Variants in IQSEC1 observed in about 807,000 individuals in gnomAD.
IQSEC1 encodes IQ motif and Sec7 domain ArfGEF 1.
IQSEC1 carries 31 observed loss-of-function variants against 91.0 expected under a neutral mutation model. That is an observed-to-expected ratio of 0.34 (90% CI 0.26 to 0.46). The LOEUF (loss-of-function observed/expected upper bound fraction) is 0.46, where lower values mean the gene tolerates loss of function less well. IQSEC1 is among the 20% of genes least tolerant of loss of function. The pLI is 1.00. For synonymous variants in IQSEC1, 699 were observed against 662.6 expected, an observed-to-expected ratio of 1.05 and a Z score of -0.84; for missense variants, 1,388 against 1,575.6, an observed-to-expected ratio of 0.88 and a Z score of 2.02.
chr3:13,083,493 G>T (rs59367960), intron 2 of IQSEC1, among the ~76,000 whole-genome samples: 32,900 of 152,260 alleles, frequency 0.22, 3,782 homozygotes, highest in Middle Eastern at 0.31. Context: ...GAACAATGGG[G>T]TGGCACATTT....
intron 2 of IQSEC1, among the ~76,000 whole-genome samples, chr3:13,088,044 G>A (rs530262889): frequency 1.3e-5 from 2 of 152,278 alleles, no homozygotes; most frequent in Admixed American, 1.3e-4. Flanking sequence ...CACAGCACTA[G>A]AGCACAGTCC....
rs929630686 is a variant in IQSEC1, at chr3:12,909,762, A to G, written c.2417-328T>C. ...TTCTCTAGTCATCTCAGTTCTGGACAGCAGTGAGCGCCATATTCTCCCGAA... is the reference window on the plus strand; with the variant it reads ...TTCTCTAGTCATCTCAGTTCTGGACGGCAGTGAGCGCCATATTCTCCCGAA... On this transcript the variant is annotated intron_variant, in intron 10 of 13. Coordinates refer to ENST00000613206, the MANE Select transcript of IQSEC1 (RefSeq NM_001134382.3). This position sits in a 1 kb window ranked among gnomAD's most constrained non-coding sequence, Gnocchi z 4.9. Among the ~76,000 whole-genome samples, 19 of 152,218 alleles carry G rather than the reference A, an allele frequency of 1.2e-4. No homozygotes were observed. Among genetic ancestry groups the G allele is most frequent in the Non-Finnish European group, 2.9e-5 (2 of 68,040 alleles).
chr3:13,016,315 C>T (rs1703129938), intron 1 of IQSEC1, among the ~76,000 whole-genome samples: 1 of 152,250 alleles, frequency 6.6e-6, no homozygotes, highest in African/African-American at 2.4e-5. Context: ...CTGTCTGTCT[C>T]CTTCTTTGGG....
intron 1 of IQSEC1, among the ~76,000 whole-genome samples, chr3:12,978,427 G>A (rs531114952): frequency 2.6e-5 from 4 of 152,212 alleles, no homozygotes; most frequent in African/African-American, 7.2e-5. Context: ...GGCCGGGCGC[G>A]GTGGCTCACA....
intron 1 of IQSEC1, among the ~76,000 whole-genome samples, chr3:13,190,639 C>T (rs1694007735): frequency 6.6e-6 from 1 of 152,026 alleles, no homozygotes; most frequent in African/African-American, 2.4e-5. Flanking sequence ...GCAGTGTCTA[C>T]GAAGGATGGA....
In IQSEC1 at chr3:12,994,158, CGCGGGGGGGCGGGG is replaced by C. The variant is rs943898371; in HGVS notation, c.24-52307_24-52294del. 1.4e-5 allele frequency among the ~76,000 whole-genome samples: 2 copies of C among 146,208 alleles called. No individual in the cohort carries two copies. The highest frequency in any genetic ancestry group is 3.0e-5 in the Non-Finnish European group (2 of 65,806). ...GGCCCCAGAGCGTCCGGTGGCCGGG[CGCGGGGGGGCGGGG>C]GCGGGCGCTCGGGAGCCGGAGCCGG... On this transcript the variant is annotated intron_variant, in intron 1 of 13. Coordinates refer to ENST00000613206, the MANE Select transcript of IQSEC1 (RefSeq NM_001134382.3). The surrounding 1 kb of genome is among the most constrained non-coding windows in gnomAD (Gnocchi z 4.5).
At chr3:12,945,916 C>A (rs768617324) in intron 1 of IQSEC1, among the ~76,000 whole-genome samples, 13 of 152,206 alleles carry the variant, frequency 8.5e-5, no homozygotes, top group Non-Finnish European at 1.6e-4. Context: ...ATGATGTGGA[C>A]GCTTGACTAT....
chr3:13,143,193 G>T (rs1706829913), intron 2 of IQSEC1, among the ~76,000 whole-genome samples: 1 of 152,228 alleles, frequency 6.6e-6, no homozygotes. Context: ...CCTAATGACA[G>T]GCTGGCACAT....
Position 13,193,134 on chromosome 3 carries a change from G to T in IQSEC1, c.273-29001C>A, listed in dbSNP as rs538590220. 7.9e-5 allele frequency among the ~76,000 whole-genome samples: 12 copies of T among 152,254 alleles called. No individual in the cohort carries two copies. The highest frequency in any genetic ancestry group is 2.9e-4 in the African/African-American group (12 of 41,550). Reference sequence around the variant, plus strand: ...GTGTCTTTTCTCAGCCTTGTCCTACGAGCACAGGATGCCCACCTGCCCGGG... The same window carrying T: ...GTGTCTTTTCTCAGCCTTGTCCTACTAGCACAGGATGCCCACCTGCCCGGG... On this transcript the variant is annotated intron_variant, in intron 1 of 15. Coordinates refer to the IQSEC1 transcript ENST00000648114. The surrounding 1 kb of genome is among the most constrained non-coding windows in gnomAD (Gnocchi z 4.2).
rs751090654 is a variant in IQSEC1, at chr3:13,039,464, G to T, written c.23+33528C>A. Among the ~76,000 whole-genome samples the T allele has an allele frequency of 2.6e-5, 4 of 152,226 alleles. No homozygotes were observed. The East Asian group carries it at 7.7e-4, about 29-fold the overall frequency. On this transcript the variant is annotated intron_variant, in intron 1 of 13. Coordinates refer to ENST00000613206, the MANE Select transcript of IQSEC1 (RefSeq NM_001134382.3). ...TCATACTCTTAAGTTTGGGATCGCC[G>T]TTTTAAACAACGGAATATGGCATCA...
rs1333610288 is a variant in IQSEC1 at position 13,008,272 on chromosome 3, G to T, written c.23+64720C>A. Among the ~76,000 whole-genome samples, 1 of 151,508 alleles carries T rather than the reference G, an allele frequency of 6.6e-6. No individual in the cohort carries two copies. Among genetic ancestry groups the T allele is most frequent in the Admixed American group, 6.5e-5 (1 of 15,274 alleles). On this transcript the variant is annotated intron_variant, in intron 1 of 13. Transcript: ENST00000613206. The surrounding 1 kb of genome is among the most constrained non-coding windows in gnomAD (Gnocchi z 4.1). ...GGACACCTCTCCTTCCCGCGTCGAAGCTCAGAGGTGAGCCTCAGCTGACCC... is the reference window on the plus strand; with the variant it reads ...GGACACCTCTCCTTCCCGCGTCGAATCTCAGAGGTGAGCCTCAGCTGACCC...
rs868049635 is a variant in IQSEC1, at chr3:13,227,406, A to G, written c.272+55305T>C. Among the ~76,000 whole-genome samples the G allele has an allele frequency of 5.3e-4, 77 of 145,650 alleles. 2 individuals are homozygous for G. Among genetic ancestry groups the G allele is most frequent in the African/African-American group, 1.9e-3 (71 of 37,386 alleles). On this transcript the variant is annotated intron_variant, in intron 1 of 15. Coordinates refer to the IQSEC1 transcript ENST00000648114. ...AAAAAAAAAAAAAAAAGAAAGAAAG[A>G]AAAGAAAACGAAAAAAGAAAAAAAA... is the stretch of plus-strand genomic sequence containing the variant.
Position 13,200,477 on chromosome 3 carries a change from CCAA to C in IQSEC1, c.273-36347_273-36345del, listed in dbSNP as rs536358399. On this transcript the variant is annotated intron_variant, in intron 1 of 15. Transcript: ENST00000648114. Reference sequence around the variant, plus strand: ...TCAGAAACAACGATCACATCTGTAACCAACAACAACCTGAAAAGGGGACTTCCA... The same window carrying C: ...TCAGAAACAACGATCACATCTGTAACCAACAACCTGAAAAGGGGACTTCCA... Among the ~76,000 whole-genome samples the C allele has an allele frequency of 1.6e-3, 250 of 152,338 alleles. 2 individuals carry two copies. Among genetic ancestry groups the C allele is most frequent in the African/African-American group, 5.7e-3 (236 of 41,560 alleles).
chr3:13,151,688 G>A (rs922678075), intron 2 of IQSEC1, among the ~76,000 whole-genome samples: 9 of 152,292 alleles, frequency 5.9e-5, no homozygotes, highest in East Asian at 5.8e-4. Flanking sequence ...CTCTTCAGCC[G>A]GACACAGTGG....
chr3:12,911,612 C>T lies in IQSEC1; in HGVS notation c.2416+17G>A, dbSNP rs775210415. 5.7e-6 allele frequency: 9 copies of T among 1,589,358 alleles called. No homozygotes were observed. Among genetic ancestry groups the T allele is most frequent in the Non-Finnish European group, 7.8e-6 (9 of 1,157,900 alleles). ...GGGACATGCGCTCTTCCAGGCAGGC[C>T]CTGGGGGCAGACTTACACTGGTTCT... is the stretch of plus-strand genomic sequence containing the variant. On this transcript the variant is annotated intron_variant, in intron 10 of 13. Coordinates refer to ENST00000613206, the MANE Select transcript of IQSEC1 (RefSeq NM_001134382.3).
chr3:12,941,509 C>T, intron 2 of IQSEC1, 62 bp downstream of exon 2: 1 of 1,437,726 alleles, frequency 7.0e-7, no homozygotes, highest in South Asian at 1.4e-5. Context: ...GGTGGGGGCA[C>T]ACATGGTGGG....
intron 1 of IQSEC1, among the ~76,000 whole-genome samples, chr3:13,177,563 C>T (rs980686122): frequency 1.4e-5 from 1 of 73,578 alleles, no homozygotes; most frequent in African/African-American, 5.6e-5. Context: ...GGGGCTTCAC[C>T]CCCCATTCCC....
At chr3:13,133,799 C>G (rs1448939783) in intron 2 of IQSEC1, among the ~76,000 whole-genome samples, 2 of 152,232 alleles carry the variant, frequency 1.3e-5, no homozygotes, top group Non-Finnish European at 2.9e-5. Context: ...GATGGCCCAG[C>G]TGGCAGGGAG....
intron 1 of IQSEC1, among the ~76,000 whole-genome samples, chr3:12,977,395 A>G (rs529412229): frequency 2.6e-5 from 4 of 151,652 alleles, no homozygotes; most frequent in Non-Finnish European, 5.9e-5. Context: ...ACGAATGGCC[A>G]TCCTTGGTAT....
Sources: allele counts gnomAD v4.1 joint callset (sites outside exome capture counted in the v4.1 genomes callset), GRCh38; gene constraint gnomAD v4.1.1; non-coding constraint Gnocchi (gnomAD v3.1); transcripts MANE v1.5; gene names NCBI Gene and HGNC (gene_info 2026-07-23, HGNC 2026-07-21).